PLCB1: variants seen among roughly 807,000 people sequenced by gnomAD.
PLCB1 encodes 1-phosphatidylinositol 4,5-bisphosphate phosphodiesterase beta-1.
A neutral mutation model predicts 161.8 loss-of-function variants in PLCB1; 46 were observed. The observed-to-expected ratio is 0.28, with a 90% CI of 0.22 to 0.36. The LOEUF (loss-of-function observed/expected upper bound fraction) is 0.36. PLCB1 is among the 10% of genes least tolerant of loss of function. PLCB1 has a pLI of 1.00. For missense variants in PLCB1, 1,016 were observed against 1,472.5 expected, an observed-to-expected ratio of 0.69 and a Z score of 5.07; for synonymous variants, 517 against 503.7, an observed-to-expected ratio of 1.03 and a Z score of -0.35.
chr20:8,528,592 C>T (rs1297188808), intron 3 of PLCB1, among the ~76,000 whole-genome samples: 1 of 151,976 alleles, frequency 6.6e-6, no homozygotes, highest in Non-Finnish European at 1.5e-5. Flanking sequence ...GGATCTACAG[C>T]AGCCATCATA....
At chr20:8,665,084 C>T (rs1435250672) in intron 9 of PLCB1, among the ~76,000 whole-genome samples, 1 of 152,184 alleles carries the variant, frequency 6.6e-6, no homozygotes, top group Non-Finnish European at 1.5e-5. Context: ...CCCTAAAATT[C>T]AACCAGGATG....
chr20:8,761,802 C>G (rs992393045), intron 25 of PLCB1, among the ~76,000 whole-genome samples: 4 of 151,856 alleles, frequency 2.6e-5, no homozygotes, highest in Admixed American at 2.0e-4. Flanking sequence ...CCACGTTGGC[C>G]AGGCTGGTCT....
At chr20:8,176,318 G>A (rs951886136) in intron 2 of PLCB1, among the ~76,000 whole-genome samples, 7 of 152,144 alleles carry the variant, frequency 4.6e-5, no homozygotes, top group Non-Finnish European at 8.8e-5. Flanking sequence ...GCAATAAAAA[G>A]CAATGAACTA....
intron 2 of PLCB1, among the ~76,000 whole-genome samples, chr20:8,368,545 A>AG (rs1182228810): frequency 6.6e-6 from 1 of 150,684 alleles, no homozygotes; most frequent in Non-Finnish European, 1.5e-5. Flanking sequence ...AAAAAAAAAA[A>AG]AAAAAGAAAA....
At chr20:8,386,966 T>G (rs954437954) in intron 3 of PLCB1, among the ~76,000 whole-genome samples, 1 of 152,224 alleles carries the variant, frequency 6.6e-6, no homozygotes, top group African/African-American at 2.4e-5. Context: ...GTCACAGGAC[T>G]GAAGAGAGTT....
At chr20:8,512,203 C>T (rs1453407894) in intron 3 of PLCB1, among the ~76,000 whole-genome samples, 5 of 152,164 alleles carry the variant, frequency 3.3e-5, no homozygotes, top group African/African-American at 1.2e-4. Context: ...AGTGCACAGT[C>T]ATCACTTTTA....
At chr20:8,681,867 T>G (rs899018963) in intron 9 of PLCB1, among the ~76,000 whole-genome samples, 1 of 152,198 alleles carries the variant, frequency 6.6e-6, no homozygotes, top group African/African-American at 2.4e-5. Context: ...CAAAACAATT[T>G]ATTTTCTATT....
intron 3 of PLCB1, 77 bp from the exon 4 acceptor site, chr20:8,628,217 T>C: frequency 8.8e-7 from 1 of 1,142,514 alleles, no homozygotes; most frequent in South Asian, 1.3e-5. Flanking sequence ...TCATTCTAAC[T>C]CAACAGAAGT....
At chr20:8,781,336 A>G (rs1267458777) in intron 27 of PLCB1, among the ~76,000 whole-genome samples, 1 of 152,074 alleles carries the variant, frequency 6.6e-6, no homozygotes, top group East Asian at 1.9e-4. Context: ...AAGAAATAAA[A>G]TAATTGTTGA....
chr20:8,817,367 G>C (rs1985130903), intron 31 of PLCB1, among the ~76,000 whole-genome samples: 1 of 152,078 alleles, frequency 6.6e-6, no homozygotes, highest in Non-Finnish European at 1.5e-5. Flanking sequence ...TTGAAACTTG[G>C]TGTAGAATAG....
chr20:8,842,464 C>G (rs1353157681), intron 31 of PLCB1, among the ~76,000 whole-genome samples: 2 of 152,118 alleles, frequency 1.3e-5, no homozygotes, highest in Admixed American at 6.6e-5. Context: ...TCGATTTGAA[C>G]TTAAGAGATT....
chr20:8,517,145 T>C (rs986239405), intron 3 of PLCB1, among the ~76,000 whole-genome samples: 3 of 151,956 alleles, frequency 2.0e-5, no homozygotes, highest in Non-Finnish European at 4.4e-5. Context: ...AGTAATGGCA[T>C]AGAAGTGTTT....
chr20:8,503,888 G>A (rs768508865), intron 3 of PLCB1, among the ~76,000 whole-genome samples: 4 of 151,942 alleles, frequency 2.6e-5, no homozygotes, highest in South Asian at 2.1e-4. Context: ...TCATTCACTC[G>A]CCTAATATCT....
At chr20:8,141,695 C>T (rs2051405485) in intron 1 of PLCB1, among the ~76,000 whole-genome samples, 1 of 151,248 alleles carries the variant, frequency 6.6e-6, no homozygotes, top group African/African-American at 2.4e-5. Flanking sequence ...ATCAGTCAGT[C>T]AGCGTGGAAA....
At chr20:8,420,038 T>A (rs1863210250) in intron 3 of PLCB1, among the ~76,000 whole-genome samples, 1 of 152,200 alleles carries the variant, frequency 6.6e-6, no homozygotes, top group Non-Finnish European at 1.5e-5. Context: ...ACAGCAGCAA[T>A]TCTGATTAAT....
At chr20:8,183,833 T>A (rs2051872787) in intron 2 of PLCB1, among the ~76,000 whole-genome samples, 1 of 152,200 alleles carries the variant, frequency 6.6e-6, no homozygotes, top group African/African-American at 2.4e-5. Context: ...TTCAAAGTTA[T>A]CTTATTTGCA....
At chr20:8,457,710 G>GCA (rs1491306879) in intron 3 of PLCB1, among the ~76,000 whole-genome samples, 19 of 71,328 alleles carry the variant, frequency 2.7e-4, no homozygotes, top group African/African-American at 1.3e-3. Flanking sequence ...CCTAATGTGT[G>GCA]CGCGCACACA....
chr20:8,249,137 G>A (rs889163084), intron 2 of PLCB1, among the ~76,000 whole-genome samples: 5 of 151,872 alleles, frequency 3.3e-5, no homozygotes, highest in Admixed American at 2.0e-4. Flanking sequence ...TGCATAAATC[G>A]TCAACTGTAG....
chr20:8,467,722 T>C (rs1338233219), intron 3 of PLCB1, among the ~76,000 whole-genome samples: 1 of 152,260 alleles, frequency 6.6e-6, no homozygotes, highest in African/African-American at 2.4e-5. Flanking sequence ...CTTTTGAGCA[T>C]TTTCCAGGGT....
Sources: gnomAD v4.1 joint callset for allele counts (sites outside exome capture counted in the v4.1 genomes callset) on GRCh38, gnomAD v4.1.1 for gene constraint, MANE v1.5 for transcripts, NCBI Gene and HGNC (gene_info 2026-07-23, HGNC 2026-07-21) for gene names.